TP73: variants seen among roughly 807,000 people sequenced by gnomAD.
TP73 encodes tumor protein p73, also known as p53-like transcription factor.
TP73 carries 25 observed loss-of-function variants against 62.5 expected under a neutral mutation model. The ratio of observed to expected loss-of-function variants is 0.40; its 90% CI spans 0.29 to 0.56. The LOEUF (loss-of-function observed/expected upper bound fraction) is 0.56, where lower values mean the gene tolerates loss of function less well. TP73 is among the 20% of genes least tolerant of loss of function. TP73 has a pLI of 0.46. For missense variants in TP73, 754 were observed against 913.3 expected (o/e 0.83, Z 2.25); for synonymous variants, 423 against 377.5 (o/e 1.12, Z -1.40).
intron 6 of TP73, 57 bp downstream of exon 6, chr1:3,723,526 GA>G: frequency 1.2e-6 from 1 of 841,612 alleles, no homozygotes; most frequent in Non-Finnish European, 2.0e-6. Context: ...CGGGTCGGGG[GA>G]GGGGTCCCCT....
chr1:3,669,454 C>T (rs372586422), intron 1 of TP73, among the ~76,000 whole-genome samples: 11 of 152,194 alleles, frequency 7.2e-5, no homozygotes, highest in East Asian at 1.9e-4. Context: ...GCTCTGGTAC[C>T]GCCACCTCCA....
At chr1:3,720,949 A>G (rs1461800999) in intron 4 of TP73, among the ~76,000 whole-genome samples, 1 of 152,180 alleles carries the variant, frequency 6.6e-6, no homozygotes, top group Admixed American at 6.5e-5. Flanking sequence ...GTGACTTGTG[A>G]TTCTGAGTCA....
chr1:3,676,537 G>A (rs1162753515), intron 1 of TP73, among the ~76,000 whole-genome samples: 1 of 151,898 alleles, frequency 6.6e-6, no homozygotes, highest in Non-Finnish European at 1.5e-5. Flanking sequence ...GGAAGCTATG[G>A]AAGACGAGGC....
intron 1 of TP73, among the ~76,000 whole-genome samples, chr1:3,656,230 A>AT (rs767103420): frequency 5.9e-5 from 9 of 151,930 alleles, no homozygotes; most frequent in Admixed American, 1.3e-4. Context: ...AAGACAGCTT[A>AT]TACCAAAGTG....
In TP73 at chr1:3,733,969, C is replaced by T. The variant is rs1642322930; in HGVS notation, c.*890C>T. The T allele has an allele frequency of 7.1e-6, 1 of 140,336 alleles. No homozygotes were observed. The highest frequency in any genetic ancestry group is 2.6e-5 in the African/African-American group (1 of 38,368). The allele number at this position is 140,336 out of a possible 1,614,324, so 8.7% of individuals were successfully genotyped here. ...CTTTCTCAGCATTCTCTTTGGAGTT[C>T]AACCTAGCGCCCATGAGCCAGGCTG... On this transcript the variant is annotated 3_prime_UTR_variant, in exon 14 of 14. Transcript: ENST00000378295.
At chr1:3,707,904 G>T in intron 4 of TP73, 113 bp downstream of exon 4, 12 of 1,465,002 alleles carry the variant, frequency 8.2e-6, no homozygotes, top group East Asian at 2.5e-5. Flanking sequence ...TCTGCTCGGG[G>T]TTCCCACCTG....
rs1189292562 is a variant in TP73, at chr1:3,736,027, C to G, written c.*2948C>G. On this transcript the variant is annotated 3_prime_UTR_variant, in exon 14 of 14. Coordinates refer to ENST00000378295, the MANE Select transcript of TP73 (RefSeq NM_005427.4). ...TAATGCTTTAAGGTGAAAACGAAAT[C>G]CCATCCGTGTTTTTCGTGTAAGATC... 1 of 152,242 alleles carries G rather than the reference C, an allele frequency of 6.6e-6. No individual in the cohort carries two copies. The highest frequency in any genetic ancestry group is 1.9e-4 in the East Asian group (1 of 5,200). 9.4% of individuals were successfully genotyped at this position (152,242 alleles called of 1,614,324 possible).
chr1:3,702,782 G>A (rs1010000964), intron 3 of TP73, among the ~76,000 whole-genome samples: 3 of 152,230 alleles, frequency 2.0e-5, no homozygotes, highest in Non-Finnish European at 2.9e-5. Flanking sequence ...CGGGCCGGGC[G>A]TGTCCTAATT....
intron 1 of TP73, among the ~76,000 whole-genome samples, chr1:3,678,908 G>A (rs1464880474): frequency 1.3e-5 from 2 of 152,242 alleles, no homozygotes. Context: ...ACAGGCCTGG[G>A]GATGTTTGGG....
At chr1:3,729,627 G>A (rs751830517) in intron 10 of TP73, 179 bp downstream of exon 10, 7 of 1,167,528 alleles carry the variant, frequency 6.0e-6, no homozygotes, top group Non-Finnish European at 8.8e-6. Context: ...TAGCACTTGG[G>A]GCTGCCCTGG....
At position 3,707,734 on chromosome 1, in the gene TP73, C is replaced by T. The variant is rs745613434; in HGVS notation, c.372C>T (p.Pro124=). 6.2e-7 allele frequency: 1 copy of T among 1,613,278 alleles called. No homozygotes were observed. Among genetic ancestry groups the T allele is most frequent in the East Asian group, 2.2e-5 (1 of 44,876 alleles). The change falls in exon 4 of 14, where the codon CCC becomes CCT. Residue 124 remains proline, a synonymous_variant. Coordinates refer to ENST00000378295, the MANE Select transcript of TP73 (RefSeq NM_005427.4). Reference sequence around the variant, plus strand: ...CCTCCAACACCGACTACCCCGGACCCCACCACTTTGAGGTCACTTTCCAGC... The same window carrying T: ...CCTCCAACACCGACTACCCCGGACCTCACCACTTTGAGGTCACTTTCCAGC... The part of the protein sequence containing the change: ...VIPSNTDYPG[P]HHFEVTFQQS...
At position 3,726,955 on chromosome 1, in the gene TP73, G is replaced by A. The variant is rs139145977; in HGVS notation, c.733-160G>A. Among the ~76,000 whole-genome samples, 609 of 152,026 alleles carry A rather than the reference G, an allele frequency of 4.0e-3. 3 individuals are homozygous for A. The highest frequency in any genetic ancestry group is 6.9e-3 in the Non-Finnish European group (468 of 67,948). On this transcript the variant is annotated intron_variant, in intron 6 of 13. Transcript: ENST00000378295. ...GATGGATGGGGTGGGTTGGTGGATGGATGAATGAGTGGACAGATATACAAA... is the reference window on the plus strand; with the variant it reads ...GATGGATGGGGTGGGTTGGTGGATGAATGAATGAGTGGACAGATATACAAA...
At chr1:3,668,006 T>C (rs1645159148) in intron 1 of TP73, among the ~76,000 whole-genome samples, 1 of 152,352 alleles carries the variant, frequency 6.6e-6, no homozygotes, top group Non-Finnish European at 1.5e-5. Flanking sequence ...GACTTGGCCA[T>C]GGCTATGGCC....
intron 13 of TP73, among the ~76,000 whole-genome samples, chr1:3,732,149 G>A (rs1042333022): frequency 6.6e-6 from 1 of 152,142 alleles, no homozygotes; most frequent in African/African-American, 2.4e-5. Context: ...GTGGGAACCT[G>A]CCCCCCAGCC....
chr1:3,688,241 CT>C (rs1309338947), intron 3 of TP73, among the ~76,000 whole-genome samples: 2 of 152,288 alleles, frequency 1.3e-5, no homozygotes, highest in East Asian at 3.9e-4. Context: ...TGACAAAGCA[CT>C]TTGGGGCTGC....
chr1:3,690,993 G>C (rs756054296), intron 3 of TP73: 1 of 1,556,628 alleles, frequency 6.4e-7, no homozygotes, highest in Non-Finnish European at 8.7e-7. Flanking sequence ...CTTTGCGGGG[G>C]ATTTTGCTGC....
At chr1:3,712,615 G>C (rs558408674) in intron 4 of TP73, among the ~76,000 whole-genome samples, 2 of 152,296 alleles carry the variant, frequency 1.3e-5, no homozygotes, top group Admixed American at 1.3e-4. Flanking sequence ...TGGGGGAGAG[G>C]CATGATCCAA....
chr1:3,681,546 C>A (rs939776217), intron 1 of TP73, among the ~76,000 whole-genome samples: 1 of 152,170 alleles, frequency 6.6e-6, no homozygotes, highest in Non-Finnish European at 1.5e-5. Context: ...CTTCTCAAGG[C>A]GTGACCACCC....
intron 5 of TP73, among the ~76,000 whole-genome samples, chr1:3,723,013 C>G (rs1287351262): frequency 6.8e-6 from 1 of 147,104 alleles, no homozygotes; most frequent in Non-Finnish European, 1.5e-5. Flanking sequence ...CATCTCTGCA[C>G]CTGACACCGG....
Sources: allele counts gnomAD v4.1 joint callset (sites outside exome capture counted in the v4.1 genomes callset), GRCh38; gene constraint gnomAD v4.1.1; transcripts MANE v1.5; gene names NCBI Gene and HGNC (gene_info 2026-07-23, HGNC 2026-07-21).